Variants in HPSE2 observed in about 807,000 individuals in gnomAD.
The protein encoded by HPSE2 is inactive heparanase-2.
Under a neutral mutation model 60.5 loss-of-function variants are expected in HPSE2, and 38 were observed. The observed-to-expected ratio is 0.63, with a 90% CI of 0.48 to 0.82. The LOEUF (loss-of-function observed/expected upper bound fraction) is 0.82, where lower values mean the gene tolerates loss of function less well. Ranked by LOEUF, HPSE2 falls within the 40% of genes least tolerant of loss-of-function variation. The pLI is 0.00. For synonymous variants in HPSE2, 295 were observed against 293.2 expected (o/e 1.01, Z -0.06); for missense variants, 713 against 740.4 (o/e 0.96, Z 0.43).
At chr10:99,099,889 A>G (rs1345027849) in intron 3 of HPSE2, among the ~76,000 whole-genome samples, 1 of 152,166 alleles carries the variant, frequency 6.6e-6, no homozygotes, top group Non-Finnish European at 1.5e-5. Context: ...CAGGGTCTGG[A>G]GTGGACCTCC....
chr10:98,882,648 A>G (rs1353523541), intron 3 of HPSE2, among the ~76,000 whole-genome samples: 2 of 152,106 alleles, frequency 1.3e-5, no homozygotes, highest in African/African-American at 4.8e-5. Context: ...AGAGCAAGTC[A>G]TTTGGCTAAA....
At chr10:99,092,756 A>G (rs1049975573) in intron 3 of HPSE2, among the ~76,000 whole-genome samples, 1 of 152,080 alleles carries the variant, frequency 6.6e-6, no homozygotes, top group Non-Finnish European at 1.5e-5. Context: ...ATCACCACCA[A>G]TTTTTGCAAA....
chr10:98,661,056 C>T (rs1246204187), intron 6 of HPSE2, among the ~76,000 whole-genome samples: 1 of 152,222 alleles, frequency 6.6e-6, no homozygotes, highest in African/African-American at 2.4e-5. Flanking sequence ...CTTGCCCTGA[C>T]ACAGCCTTCC....
At chr10:98,749,947 T>TATATATATATATATACATACAC in intron 3 of HPSE2, among the ~76,000 whole-genome samples, 4 of 98,484 alleles carry the variant, frequency 4.1e-5, no homozygotes, top group African/African-American at 1.3e-4. Context: ...TATATATATA[T>TATATATATATATATACATACAC]ACACACACAC....
Position 98,891,688 on chromosome 10 carries a change from T to C in HPSE2, c.611-147632A>G, listed in dbSNP as rs527614093. On this transcript the variant is annotated intron_variant, in intron 3 of 11. Coordinates refer to ENST00000370552, the MANE Select transcript of HPSE2 (RefSeq NM_021828.5). ...CCAAGCTGATCTTGAACTCCTGGCC[T>C]CAAGTGATCCTCCCAGCTCGGCCCC... 3.3e-5 allele frequency among the ~76,000 whole-genome samples: 5 copies of C among 152,246 alleles called. No homozygotes were observed. In the South Asian group the frequency reaches 1.0e-3, roughly 32 times the overall value.
At chr10:98,559,452 T>C (rs1944108845) in intron 9 of HPSE2, among the ~76,000 whole-genome samples, 1 of 152,170 alleles carries the variant, frequency 6.6e-6, no homozygotes, top group Non-Finnish European at 1.5e-5. Flanking sequence ...ACTGTGGTTG[T>C]ACCTCAGCAC....
intron 3 of HPSE2, among the ~76,000 whole-genome samples, chr10:98,987,519 A>T: frequency 6.6e-6 from 1 of 152,210 alleles, no homozygotes; most frequent in Non-Finnish European, 1.5e-5. Flanking sequence ...TATCTATGAC[A>T]AACCCACAGC....
chr10:98,599,190 GGTGTCAGCCTGGTGCCTAAGGCTACAT>G (rs999952933), intron 9 of HPSE2, among the ~76,000 whole-genome samples: 3 of 152,106 alleles, frequency 2.0e-5, no homozygotes, highest in Non-Finnish European at 4.4e-5. Context: ...TGTGTCCATG[GGTGTCAGCCTGGTGCCTAAGGCTACAT>G]GTGTCAACCT....
chr10:99,011,853 A>G (rs1957025492), intron 3 of HPSE2, among the ~76,000 whole-genome samples: 1 of 151,688 alleles, frequency 6.6e-6, no homozygotes, highest in African/African-American at 2.4e-5. Context: ...ATCAATCTTT[A>G]AAAGAAATTC....
chr10:98,808,846 G>A (rs1004915255), intron 3 of HPSE2, among the ~76,000 whole-genome samples: 1 of 152,060 alleles, frequency 6.6e-6, no homozygotes, highest in African/African-American at 2.4e-5. Context: ...TCCAATTAGT[G>A]TCCTAGCTAC....
At chr10:98,752,721 C>A (rs1949787223) in intron 3 of HPSE2, among the ~76,000 whole-genome samples, 1 of 151,980 alleles carries the variant, frequency 6.6e-6, no homozygotes, top group Non-Finnish European at 1.5e-5. Context: ...TGCCAAAAGA[C>A]CAAAAAGATA....
chr10:99,252,212 T>C, the HPSE2 span, among the ~76,000 whole-genome samples: 1 of 152,054 alleles, frequency 6.6e-6, no homozygotes, highest in African/African-American at 2.4e-5. Context: ...GCCAACATCA[T>C]ACTGAATGGG....
chr10:98,851,038 C>A (rs533864886), intron 3 of HPSE2, among the ~76,000 whole-genome samples: 3 of 152,164 alleles, frequency 2.0e-5, no homozygotes, highest in African/African-American at 7.2e-5. Flanking sequence ...GTTGGCAATG[C>A]GAGTGAAACT....
chr10:98,613,440 T>C (rs1945815270), intron 9 of HPSE2, among the ~76,000 whole-genome samples: 2 of 152,224 alleles, frequency 1.3e-5, no homozygotes, highest in African/African-American at 4.8e-5. Flanking sequence ...TGTGATTTAA[T>C]TGTACTTTTG....
intron 2 of HPSE2, among the ~76,000 whole-genome samples, chr10:99,216,249 C>T (rs1281475577): frequency 7.5e-6 from 1 of 133,310 alleles, no homozygotes; most frequent in African/African-American, 2.9e-5. Flanking sequence ...GGCTGGAGTG[C>T]AGTGGCACGA....
chr10:99,265,779 C>A, the HPSE2 span, among the ~76,000 whole-genome samples: 1 of 152,198 alleles, frequency 6.6e-6, no homozygotes, highest in Non-Finnish European at 1.5e-5. Context: ...ATTGCTCCTG[C>A]AGGCCCTGGG....
intron 9 of HPSE2, among the ~76,000 whole-genome samples, chr10:98,574,428 C>A (rs1944586523): frequency 6.6e-6 from 1 of 151,994 alleles, no homozygotes; most frequent in African/African-American, 2.4e-5. Context: ...TCAAGGATAA[C>A]TTTTCATGCA....
chr10:99,012,011 A>G (rs1351340531), intron 3 of HPSE2, among the ~76,000 whole-genome samples: 1 of 151,978 alleles, frequency 6.6e-6, no homozygotes, highest in East Asian at 1.9e-4. Flanking sequence ...TTAAAGAATT[A>G]TCAATGTTGT....
intron 4 of HPSE2, among the ~76,000 whole-genome samples, chr10:98,734,396 A>ATGTTT (rs1949299346): frequency 6.6e-6 from 1 of 152,164 alleles, no homozygotes; most frequent in African/African-American, 2.4e-5. Context: ...GTTACTTGGT[A>ATGTTT]ATTTTATGTT....
Sources: allele counts gnomAD v4.1 joint callset (sites outside exome capture counted in the v4.1 genomes callset), GRCh38; gene constraint gnomAD v4.1.1; transcripts MANE v1.5; gene names NCBI Gene and HGNC (gene_info 2026-07-23, HGNC 2026-07-21).